SUPT3H: variants seen among roughly 807,000 people sequenced by gnomAD.
The protein encoded by SUPT3H is transcription initiation protein SPT3 homolog.
A neutral mutation model predicts 44.3 loss-of-function variants in SUPT3H; 44 were observed. The observed-to-expected ratio is 0.99, with a 90% confidence interval of 0.78 to 1.28. SUPT3H has a LOEUF of 1.28. SUPT3H is among the 50% of genes most tolerant of loss of function. The pLI, the probability that SUPT3H is intolerant of heterozygous loss-of-function variation, is 0.00. For synonymous variants in SUPT3H, 124 were observed against 125.6 expected (o/e 0.99, Z 0.09); for missense variants, 380 against 387.1 (o/e 0.98, Z 0.15).
chr6:44,894,065 G>A (rs1479811183), intron 10 of SUPT3H, among the ~76,000 whole-genome samples: 3 of 136,190 alleles, frequency 2.2e-5, no homozygotes, highest in Non-Finnish European at 4.7e-5. Context: ...TTTTTGATGG[G>A]GTTGTTTGTT....
At chr6:44,885,946 G>C (rs1254255913) in intron 10 of SUPT3H, among the ~76,000 whole-genome samples, 1 of 152,110 alleles carries the variant, frequency 6.6e-6, no homozygotes, top group Non-Finnish European at 1.5e-5. Flanking sequence ...TGAAAGCCAA[G>C]GCATGAGAAC....
intron 2 of SUPT3H, among the ~76,000 whole-genome samples, chr6:45,248,789 C>T (rs1288125667): frequency 6.6e-6 from 1 of 152,056 alleles, no homozygotes; most frequent in Non-Finnish European, 1.5e-5. Flanking sequence ...GTGGAGCGCA[C>T]CTGTAGTCCC....
chr6:44,817,699 G>A (rs141993892), intron 11 of SUPT3H, among the ~76,000 whole-genome samples: 2 of 151,868 alleles, frequency 1.3e-5, no homozygotes, highest in East Asian at 1.9e-4. Flanking sequence ...AATGAATAAT[G>A]AATAATTGGA....
At chr6:45,272,642 G>A (rs1205793486) in intron 2 of SUPT3H, among the ~76,000 whole-genome samples, 2 of 152,132 alleles carry the variant, frequency 1.3e-5, no homozygotes, top group Non-Finnish European at 2.9e-5. Context: ...ACTGTAAGGT[G>A]GATGCCTAAT....
intron 3 of SUPT3H, among the ~76,000 whole-genome samples, chr6:45,051,504 T>C (rs1221471477): frequency 2.0e-5 from 3 of 150,924 alleles, no homozygotes; most frequent in African/African-American, 7.3e-5. Flanking sequence ...TTATTAAATA[T>C]ATATTTATCA....
At chr6:45,268,067 T>C (rs776266172) in intron 2 of SUPT3H, among the ~76,000 whole-genome samples, 6 of 152,162 alleles carry the variant, frequency 3.9e-5, no homozygotes, top group South Asian at 2.1e-4. Flanking sequence ...TCTCTTTCCA[T>C]AGAATGAAAG....
intron 2 of SUPT3H, among the ~76,000 whole-genome samples, chr6:45,269,212 C>T (rs888541410): frequency 6.6e-6 from 1 of 152,114 alleles, no homozygotes; most frequent in East Asian, 1.9e-4. Flanking sequence ...ATTTGGGAAA[C>T]CCTTAGTTGA....
In SUPT3H at chr6:45,122,616, C is replaced by A. The variant is rs551779447; in HGVS notation, c.102-16610G>T. On this transcript the variant is annotated intron_variant, in intron 2 of 10. Coordinates refer to ENST00000371459, the MANE Select transcript of SUPT3H (RefSeq NM_003599.4). ...AAAGTTAACCTTTAAGGATAAATCA[C>A]CATATACACCATTAAAACACCAAAA... is the stretch of plus-strand genomic sequence containing the variant. Among the ~76,000 whole-genome samples the A allele has an allele frequency of 2.0e-4, 30 of 152,142 alleles. No individual in the cohort carries two copies. The South Asian group carries it at 6.0e-3, about 30-fold the overall frequency.
intron 2 of SUPT3H, among the ~76,000 whole-genome samples, chr6:45,260,231 G>A (rs891772647): frequency 1.3e-5 from 2 of 152,010 alleles, no homozygotes; most frequent in East Asian, 1.9e-4. Flanking sequence ...TACATTCTAC[G>A]CAGGGAACTG....
At chr6:45,268,469 C>T (rs972717608) in intron 2 of SUPT3H, among the ~76,000 whole-genome samples, 3 of 152,084 alleles carry the variant, frequency 2.0e-5, no homozygotes, top group Non-Finnish European at 4.4e-5. Context: ...TTTTAATGAA[C>T]GATTCGGATA....
In SUPT3H at chr6:44,968,741, C is replaced by A. The variant is rs539372282; in HGVS notation, c.505-6913G>T. Among the ~76,000 whole-genome samples, 3 of 152,226 alleles carry A rather than the reference C, an allele frequency of 2.0e-5. No individual in the cohort carries two copies. The East Asian group carries it at 5.8e-4, about 29-fold the overall frequency. On this transcript the variant is annotated intron_variant, in intron 6 of 10. Transcript: ENST00000371459. ...AAAGGCCCTCGTACATTGTAAGATT[C>A]ACTGTAGTAGGCTGTCCTGTGTCCC... is the stretch of plus-strand genomic sequence containing the variant.
chr6:44,865,730 A>G (rs781082060), intron 10 of SUPT3H, among the ~76,000 whole-genome samples: 71 of 152,248 alleles, frequency 4.7e-4, no homozygotes, highest in Admixed American at 1.9e-3. Context: ...AAAATTCAAG[A>G]TAAGATTTGA....
At chr6:45,325,911 G>C (rs572485387) in intron 2 of SUPT3H, among the ~76,000 whole-genome samples, 7 of 151,870 alleles carry the variant, frequency 4.6e-5, no homozygotes, top group Admixed American at 6.6e-5. Context: ...AAAAATTCAT[G>C]TGGATAATGA....
chr6:45,012,552 T>C (rs1783648451), intron 5 of SUPT3H, among the ~76,000 whole-genome samples: 1 of 152,104 alleles, frequency 6.6e-6, no homozygotes, highest in Admixed American at 6.6e-5. Flanking sequence ...GACGCTATTA[T>C]CATATCTTCC....
At chr6:45,019,249 T>C (rs1011871831) in intron 4 of SUPT3H, among the ~76,000 whole-genome samples, 3 of 152,134 alleles carry the variant, frequency 2.0e-5, no homozygotes, top group African/African-American at 7.2e-5. Context: ...TTTTTCTTTA[T>C]TAGTCTTGCT....
At chr6:45,368,716 T>C (rs1320581334) in intron 1 of SUPT3H, among the ~76,000 whole-genome samples, 1 of 152,164 alleles carries the variant, frequency 6.6e-6, no homozygotes, top group Non-Finnish European at 1.5e-5. Context: ...TCTATATTGC[T>C]GAAGAAAACT....
At chr6:45,326,419 T>C (rs1246114987) in intron 2 of SUPT3H, among the ~76,000 whole-genome samples, 8 of 151,886 alleles carry the variant, frequency 5.3e-5, no homozygotes, top group African/African-American at 1.9e-4. Flanking sequence ...ATAATATGGA[T>C]ACGACTTATT....
intron 3 of SUPT3H, chr6:45,098,745 G>C: frequency 4.3e-6 from 2 of 460,430 alleles, no homozygotes; most frequent in South Asian, 1.6e-5. Flanking sequence ...TTCTGAGACA[G>C]ATCTAAGACA....
chr6:44,831,112 C>T (rs1768633022), intron 10 of SUPT3H, among the ~76,000 whole-genome samples: 1 of 151,984 alleles, frequency 6.6e-6, no homozygotes, highest in Non-Finnish European at 1.5e-5. Flanking sequence ...ACTTGAAAAC[C>T]TTCTCTCCAA....
Sources: allele counts gnomAD v4.1 joint callset (sites outside exome capture counted in the v4.1 genomes callset), GRCh38; gene constraint gnomAD v4.1.1; transcripts MANE v1.5; gene names NCBI Gene and HGNC (gene_info 2026-07-23, HGNC 2026-07-21).